TPM4: variants seen among roughly 807,000 people sequenced by gnomAD.
TPM4 encodes the protein tropomyosin alpha-4 chain.
A neutral mutation model predicts 35.8 loss-of-function variants in TPM4; 17 were observed. The observed-to-expected ratio is 0.47, with a 90% CI of 0.32 to 0.71. The LOEUF (loss-of-function observed/expected upper bound fraction) is 0.71, where lower values mean the gene tolerates loss of function less well. Ranked by LOEUF, TPM4 falls within the 30% of genes least tolerant of loss-of-function variation. The pLI is 0.03. For synonymous variants in TPM4, 120 were observed against 122.9 expected, an observed-to-expected ratio of 0.98 and a Z score of 0.15; for missense variants, 240 against 320.9, an observed-to-expected ratio of 0.75 and a Z score of 1.93.
chr19:16,099,070 CTGTGTGTGTGTG>C (rs3222768), intron 7 of TPM4, among the ~76,000 whole-genome samples: 1 of 109,748 alleles, frequency 9.1e-6, no homozygotes, highest in Non-Finnish European at 1.9e-5. Flanking sequence ...TCACTTGACT[CTGTGTGTGTGTG>C]TGTGTGTGTG....
intron 7 of TPM4, 76 bp from the exon 8 acceptor site, chr19:16,101,188 A>G: frequency 7.8e-7 from 1 of 1,283,182 alleles, no homozygotes; most frequent in South Asian, 1.4e-5. Context: ...AGAAAAAAAA[A>G]CAAATCTTTT....
chr19:16,093,803 G>C (rs768327405), intron 7 of TPM4, 50 bp downstream of exon 7: 1 of 1,603,880 alleles, frequency 6.2e-7, no homozygotes, highest in Non-Finnish European at 8.5e-7. Context: ...TCCCCTCTGG[G>C]ACACATCCAC....
In TPM4 at chr19:16,067,552, C is replaced by T; in HGVS notation, c.-73C>T. 4 of 1,407,978 alleles carry T rather than the reference C, an allele frequency of 2.8e-6. No homozygotes were observed. Among genetic ancestry groups the T allele is most frequent in the Non-Finnish European group, 3.9e-6 (4 of 1,019,758 alleles). The allele number at this position is 1,407,978 out of a possible 1,614,324, so 87.2% of individuals were successfully genotyped here. A position where few individuals can be genotyped will look rare whatever the true frequency, so the allele number is the denominator to read the frequency against. The stretch of plus-strand genomic sequence containing the variant: ...CTGCCAGGCTCACTCTGCCCCACAG[C>T]CACAGCCCCTGACTGCCGCAGCCCC... On this transcript the variant is annotated 5_prime_UTR_variant, in exon 2 of 3. Transcript: ENST00000589897. The surrounding 1 kb of genome is among the most constrained non-coding windows in gnomAD (Gnocchi z 4.1).
At chr19:16,088,975 G>C in intron 4 of TPM4, 70 bp from the exon 5 acceptor site, 3 of 1,605,860 alleles carry the variant, frequency 1.9e-6, no homozygotes, top group Non-Finnish European at 2.6e-6. Context: ...AAAATTTATT[G>C]TTGGGGCGAT....
intron 1 of TPM4, chr19:16,076,972 G>C (rs1262130102): frequency 2.0e-6 from 1 of 505,852 alleles, no homozygotes; most frequent in Non-Finnish European, 2.9e-6. Context: ...GGGCGGAGGG[G>C]GTGAGCGATC....
At chr19:16,072,188 A>G (rs923336981), upstream of TPM4, among the ~76,000 whole-genome samples, 1 of 152,110 alleles carries the variant, frequency 6.6e-6, no homozygotes, top group Non-Finnish European at 1.5e-5. Context: ...TTCATCCCAA[A>G]CACTTCCTAC....
chr19:16,092,389 C>T (rs2144952641), intron 5 of TPM4, among the ~76,000 whole-genome samples: 1 of 152,122 alleles, frequency 6.6e-6, no homozygotes, highest in South Asian at 2.1e-4. Flanking sequence ...CCAGTTATCT[C>T]CCTTTCTTCG....
intron 1 of TPM4, among the ~76,000 whole-genome samples, chr19:16,079,509 A>G (rs936714024): frequency 1.3e-5 from 2 of 152,188 alleles, no homozygotes; most frequent in African/African-American, 4.8e-5. Flanking sequence ...GGTTTTCACA[A>G]TTCTCTGCAT....
intron 1 of TPM4, chr19:16,080,992 C>T (rs2090475756): frequency 2.5e-6 from 1 of 398,362 alleles, no homozygotes; most frequent in African/African-American, 2.1e-5. Context: ...TTTCCCTTTC[C>T]ATATCTTTTT....
chr19:16,069,896 G>A (rs988420969), intron 2 of TPM4, among the ~76,000 whole-genome samples: 14 of 152,070 alleles, frequency 9.2e-5, no homozygotes, highest in South Asian at 4.1e-4. Flanking sequence ...CTGTGTGTGC[G>A]TGTAGGTGAC....
At chr19:16,076,870 T>A in intron 1 of TPM4, 173 bp downstream of exon 1, 2 of 1,198,940 alleles carry the variant, frequency 1.7e-6, no homozygotes, top group Non-Finnish European at 2.1e-6. Flanking sequence ...ACCCCCTACT[T>A]CCTCCGCCGT....
At chr19:16,094,609 G>A (rs1229136648) in intron 7 of TPM4, among the ~76,000 whole-genome samples, 2 of 148,224 alleles carry the variant, frequency 1.3e-5, no homozygotes, top group Non-Finnish European at 3.0e-5. Flanking sequence ...TTTTTTACAT[G>A]CCTTGCATTT....
chr19:16,083,388 G>A (rs2090508458), intron 2 of TPM4, among the ~76,000 whole-genome samples: 1 of 152,158 alleles, frequency 6.6e-6, no homozygotes, highest in Non-Finnish European at 1.5e-5. Flanking sequence ...AGAGGGTGCA[G>A]TGAGCCAAGA....
intron 7 of TPM4, among the ~76,000 whole-genome samples, chr19:16,094,309 G>A (rs1048751934): frequency 2.0e-5 from 3 of 151,970 alleles, no homozygotes; most frequent in Admixed American, 6.6e-5. Flanking sequence ...CGAGGCGGGC[G>A]GATCACTTGA....
chr19:16,089,532 G>A (rs115340247), intron 5 of TPM4, among the ~76,000 whole-genome samples: 169 of 152,286 alleles, frequency 1.1e-3, no homozygotes, highest in African/African-American at 1.9e-3. Context: ...CAGTTGCTAC[G>A]TGGCAGCTAC....
intron 7 of TPM4, 33 bp downstream of exon 7, chr19:16,093,786 C>T (rs758803188): frequency 3.2e-5 from 51 of 1,610,020 alleles, no homozygotes; most frequent in Non-Finnish European, 4.0e-5. Context: ...TTTGCCTTGC[C>T]CTGCCTTCCC....
chr19:16,071,928 G>C (rs1006375360), upstream of TPM4, among the ~76,000 whole-genome samples: 6 of 152,198 alleles, frequency 3.9e-5, 1 homozygote, highest in Admixed American at 2.0e-4. Context: ...TCCTATGACA[G>C]ATAGGGAAAC....
In TPM4 at chr19:16,089,130, T is replaced by G. The variant is rs1388418007; in HGVS notation, c.531+10T>G. 6.2e-7 allele frequency: 1 copy of G among 1,613,124 alleles called. No individual in the cohort carries two copies. The highest frequency in any genetic ancestry group is 8.5e-7 in the Non-Finnish European group (1 of 1,179,962). On this transcript the variant is annotated intron_variant, in intron 5 of 7. Coordinates refer to ENST00000643579, the MANE Select transcript of TPM4 (RefSeq NM_003290.3). ...GGCTGCATCTGAAAAGGTAGGTGGT[T>G]GGCTTGAGCTGGAGGGTGGCTTGCT...
chr19:16,089,213 C>T lies in TPM4; in HGVS notation c.531+93C>T, dbSNP rs1008913784. 8.5e-6 allele frequency: 13 copies of T among 1,538,250 alleles called. 1 individual carries two copies. The Admixed American group carries it at 1.8e-4, about 21-fold the overall frequency. On this transcript the variant is annotated intron_variant, in intron 5 of 7. Transcript: ENST00000643579. ...AGGAGCCTGTCAGGTTATGGGGAAT[C>T]TGCCCTTTATTTAACAGTAGCGTTG...
Sources: allele counts gnomAD v4.1 joint callset (sites outside exome capture counted in the v4.1 genomes callset), GRCh38; gene constraint gnomAD v4.1.1; non-coding constraint Gnocchi (gnomAD v3.1); transcripts MANE v1.5; gene names NCBI Gene and HGNC (gene_info 2026-07-23, HGNC 2026-07-21).